Variants in PPP1R12A observed in about 807,000 individuals in gnomAD.
PPP1R12A encodes protein phosphatase 1 regulatory subunit 12A, also known as myosin binding subunit.
A neutral mutation model predicts 139.6 loss-of-function variants in PPP1R12A; 19 were observed. The ratio of observed to expected loss-of-function variants is 0.14; its 90% CI spans 0.09 to 0.20. The LOEUF (loss-of-function observed/expected upper bound fraction) is 0.20. Among genes scored for constraint, PPP1R12A ranks in the 10% least tolerant of loss-of-function variants. PPP1R12A has a pLI of 1.00. For missense variants in PPP1R12A, 925 were observed against 1,211.5 expected, an observed-to-expected ratio of 0.76 and a Z score of 3.51; for synonymous variants, 427 against 420.6, an observed-to-expected ratio of 1.02 and a Z score of -0.19.
At chr12:79,784,842 T>C (rs985069845) in intron 22 of PPP1R12A, among the ~76,000 whole-genome samples, 1 of 152,136 alleles carries the variant, frequency 6.6e-6, no homozygotes, top group Non-Finnish European at 1.5e-5. Context: ...TTTCACTATG[T>C]TGGCCAGGCT....
At chr12:79,866,268 A>T (rs538422894) in intron 2 of PPP1R12A, among the ~76,000 whole-genome samples, 1 of 152,376 alleles carries the variant, frequency 6.6e-6, no homozygotes, top group Admixed American at 6.5e-5. Context: ...GGCTAGCCAT[A>T]TGCAGAAAAC....
At chr12:79,778,655 T>G (rs887278559) in intron 23 of PPP1R12A, 55 bp from the exon 24 acceptor site, 5 of 1,222,172 alleles carry the variant, frequency 4.1e-6, no homozygotes, top group South Asian at 3.3e-5. Flanking sequence ...TTCTTAAGTC[T>G]TCTTCTATAC....
In PPP1R12A at chr12:79,890,895, C is replaced by A. The variant is rs13377682; in HGVS notation, c.238-17957G>T. Among the ~76,000 whole-genome samples the A allele has an allele frequency of 8.3e-3, 868 of 104,602 alleles. 6 individuals are homozygous for A. The highest frequency in any genetic ancestry group is 0.042 in the South Asian group (118 of 2,804). 68.6% of individuals were successfully genotyped at this position (104,602 alleles called of 152,430 possible). On this transcript the variant is annotated intron_variant, in intron 1 of 24. Coordinates refer to ENST00000450142, the MANE Select transcript of PPP1R12A (RefSeq NM_002480.3). ...TCAAGAATACACACACACCACCCAC[C>A]CACACCCACCCACACACACACACAC... is the stretch of plus-strand genomic sequence containing the variant.
intron 1 of PPP1R12A, among the ~76,000 whole-genome samples, chr12:79,926,277 T>A (rs1180292770): frequency 1.3e-5 from 2 of 152,162 alleles, no homozygotes; most frequent in East Asian, 3.9e-4. Flanking sequence ...CCTCTGCCTC[T>A]TGGGTTCAGG....
rs557466504 is a variant in PPP1R12A at position 79,782,394 on chromosome 12, G to T, written c.2908-532C>A. 3 of 266,386 alleles carry T rather than the reference G, an allele frequency of 1.1e-5. No homozygotes were observed. The Admixed American group carries it at 1.4e-4, about 13-fold the overall frequency. 16.5% of individuals were successfully genotyped at this position (266,386 alleles called of 1,614,324 possible). ...TTCCAATCATCCATGCTCCACAATTGGTTCACATCCACTTTCACTTATAAG... is the reference window on the plus strand; with the variant it reads ...TTCCAATCATCCATGCTCCACAATTTGTTCACATCCACTTTCACTTATAAG... On this transcript the variant is annotated intron_variant, in intron 22 of 24. Transcript: ENST00000450142.
chr12:79,796,996 T>A (rs750491002), intron 16 of PPP1R12A, 46 bp from the exon 17 acceptor site: 4 of 1,531,696 alleles, frequency 2.6e-6, no homozygotes, highest in Non-Finnish European at 3.5e-6. Flanking sequence ...TTAAACACAA[T>A]TAAAAACATA....
At chr12:79,867,159 T>C (rs1254545545) in intron 2 of PPP1R12A, among the ~76,000 whole-genome samples, 3 of 152,216 alleles carry the variant, frequency 2.0e-5, no homozygotes, top group Non-Finnish European at 2.9e-5. Flanking sequence ...GATGAGTTCA[T>C]GTCCTTTCAG....
intron 1 of PPP1R12A, among the ~76,000 whole-genome samples, chr12:79,874,183 A>G (rs1482130030): frequency 2.0e-5 from 3 of 151,902 alleles, no homozygotes; most frequent in African/African-American, 7.3e-5. Context: ...CTGAGGCAGG[A>G]GAATTGCCTG....
intron 3 of PPP1R12A, among the ~76,000 whole-genome samples, chr12:79,839,217 TG>T (rs1315294976): frequency 6.6e-5 from 10 of 152,234 alleles, no homozygotes. Flanking sequence ...CTCTTTGTTT[TG>T]GCCAATTTCT....
At chr12:79,799,428 G>A (rs1054826605) in intron 14 of PPP1R12A, among the ~76,000 whole-genome samples, 5 of 152,204 alleles carry the variant, frequency 3.3e-5, no homozygotes, top group Non-Finnish European at 7.3e-5. Flanking sequence ...GGGATTAAAG[G>A]CGTGGGCCAC....
At chr12:79,792,047 G>A (rs893852337) in intron 19 of PPP1R12A, among the ~76,000 whole-genome samples, 1 of 151,918 alleles carries the variant, frequency 6.6e-6, no homozygotes, top group Non-Finnish European at 1.5e-5. Flanking sequence ...TTCTGACTAT[G>A]GTATTGTAAA....
chr12:79,815,072 AC>A (rs981007824), intron 9 of PPP1R12A, among the ~76,000 whole-genome samples: 1 of 152,150 alleles, frequency 6.6e-6, no homozygotes, highest in Non-Finnish European at 1.5e-5. Flanking sequence ...CACTATACTA[AC>A]AGAGGTTATA....
chr12:79,897,852 T>C (rs1226957214), intron 1 of PPP1R12A, among the ~76,000 whole-genome samples: 3 of 152,212 alleles, frequency 2.0e-5, no homozygotes, highest in Non-Finnish European at 4.4e-5. Flanking sequence ...CAACTACACA[T>C]TCACTGCACC....
At chr12:79,879,174 G>A (rs1195625489) in intron 1 of PPP1R12A, among the ~76,000 whole-genome samples, 2 of 152,128 alleles carry the variant, frequency 1.3e-5, no homozygotes, top group African/African-American at 4.8e-5. Context: ...GAGGTCAGGA[G>A]TTCAAGACCA....
chr12:79,928,700 T>C (rs972198903), intron 1 of PPP1R12A, among the ~76,000 whole-genome samples: 10 of 152,228 alleles, frequency 6.6e-5, no homozygotes, highest in African/African-American at 2.4e-4. Flanking sequence ...AATTCAGATT[T>C]TACATAGTAA....
intron 1 of PPP1R12A, among the ~76,000 whole-genome samples, chr12:79,884,395 T>A (rs1883917504): frequency 6.6e-6 from 1 of 152,218 alleles, no homozygotes; most frequent in African/African-American, 2.4e-5. Context: ...TGTTTATAAA[T>A]GTTTTTGAAA....
intron 1 of PPP1R12A, chr12:79,913,866 A>G (rs1398932745): frequency 6.6e-6 from 1 of 152,168 alleles, no homozygotes; most frequent in Non-Finnish European, 1.5e-5. Flanking sequence ...AGCCCCTTAC[A>G]GAAGTCTACA....
chr12:79,934,665 TCAGG>T, intron 1 of PPP1R12A, 26 bp downstream of exon 1: 1 of 1,496,864 alleles, frequency 6.7e-7, no homozygotes, highest in Non-Finnish European at 9.0e-7. Flanking sequence ...ACCCTCACGG[TCAGG>T]AGAGCCGGCG....
chr12:79,893,045 G>T (rs753684037), intron 1 of PPP1R12A, among the ~76,000 whole-genome samples: 1 of 151,444 alleles, frequency 6.6e-6, no homozygotes, highest in Non-Finnish European at 1.5e-5. Flanking sequence ...TGGAGTTGCC[G>T]TGAGCCAAGA....
Sources: allele counts gnomAD v4.1 joint callset (sites outside exome capture counted in the v4.1 genomes callset), GRCh38; gene constraint gnomAD v4.1.1; transcripts MANE v1.5; gene names NCBI Gene and HGNC (gene_info 2026-07-23, HGNC 2026-07-21).